SMC2: variants seen among roughly 807,000 people sequenced by gnomAD.
The protein encoded by SMC2 is structural maintenance of chromosomes 2.
A neutral mutation model predicts 142.6 loss-of-function variants in SMC2; 41 were observed. The observed-to-expected ratio is 0.29, with a 90% confidence interval of 0.22 to 0.37. The LOEUF is 0.37. Among genes scored for constraint, SMC2 ranks in the 10% least tolerant of loss-of-function variants. The pLI is 1.00. For missense variants in SMC2, 1,265 were observed against 1,373.7 expected, an observed-to-expected ratio of 0.92 and a Z score of 1.25; for synonymous variants, 463 against 457.5, an observed-to-expected ratio of 1.01 and a Z score of -0.15.
intron 18 of SMC2, 60 bp from the exon 19 acceptor site, chr9:104,126,581 A>T: frequency 7.9e-7 from 1 of 1,258,072 alleles, no homozygotes; most frequent in East Asian, 2.4e-5. Flanking sequence ...TGTTCTGTAC[A>T]TATTTGTTTT....
chr9:104,126,382 A>G (rs1053513929), intron 18 of SMC2, among the ~76,000 whole-genome samples: 10 of 152,164 alleles, frequency 6.6e-5, no homozygotes, highest in African/African-American at 2.4e-4. Flanking sequence ...TATTTTCCCT[A>G]TAGGAATAAA....
intron 18 of SMC2, among the ~76,000 whole-genome samples, chr9:104,125,668 A>G (rs941634103): frequency 3.3e-5 from 5 of 152,154 alleles, no homozygotes; most frequent in Non-Finnish European, 5.9e-5. Context: ...TTTATTTGAT[A>G]AGCACCTAAA....
At position 104,095,397 on chromosome 9, in the gene SMC2, T is replaced by G; in HGVS notation, c.13T>G (p.Ser5Ala). MHIK[S>A]IILEGFKSYA... is the part of the protein sequence containing the mutation. Reference sequence around the variant, plus strand: ...GACAGTATCGAAAATGCATATTAAGTCAATTATTCTAGAGGGATTCAAGTC... The same window carrying G: ...GACAGTATCGAAAATGCATATTAAGGCAATTATTCTAGAGGGATTCAAGTC... The change falls in exon 2 of 25, where the codon TCA (serine) becomes GCA (alanine). Residue 5 changes from serine to alanine, a missense_variant. Coordinates refer to ENST00000374793, the MANE Select transcript of SMC2 (RefSeq NM_006444.3). 1 of 1,612,844 alleles carries G rather than the reference T, an allele frequency of 6.2e-7. No individual in the cohort carries two copies. The highest frequency in any genetic ancestry group is 8.5e-7 in the Non-Finnish European group (1 of 1,179,908).
At chr9:104,134,642 AAACTGTATTTGTGTTTT>A (rs1454395453) in intron 23 of SMC2, 67 bp downstream of exon 23, 13 of 1,130,296 alleles carry the variant, frequency 1.2e-5, no homozygotes, top group Middle Eastern at 2.3e-4. Context: ...CCTTACCTTA[AAACTGTATTTGTGTTTT>A]AACTACCTTT....
intron 9 of SMC2, among the ~76,000 whole-genome samples, chr9:104,105,344 C>T (rs950591872): frequency 6.6e-6 from 1 of 152,034 alleles, no homozygotes; most frequent in Non-Finnish European, 1.5e-5. Flanking sequence ...GCTTTCCAGG[C>T]CTGACATTGC....
intron 21 of SMC2, among the ~76,000 whole-genome samples, chr9:104,130,836 A>G (rs1834884211): frequency 6.6e-6 from 1 of 152,190 alleles, no homozygotes; most frequent in South Asian, 2.1e-4. Flanking sequence ...CCTGAGTCTA[A>G]TATTTTTTTC....
rs1835331697 is a variant in SMC2, at chr9:104,134,584, T to A, written c.3269+9T>A. The stretch of plus-strand genomic sequence containing the variant: ...CTTAGTGGTGGTCAGAGGTGAGGAA[T>A]CACTTTGCTATATTATAATTTTCAT... On this transcript the variant is annotated intron_variant, in intron 23 of 24. Transcript: ENST00000374793. 1 of 1,553,514 alleles carries A rather than the reference T, an allele frequency of 6.4e-7. No individual in the cohort carries two copies. The highest frequency in any genetic ancestry group is 1.6e-5 in the African/African-American group (1 of 63,114).
chr9:104,094,028 G>A (rs1174331158), upstream of SMC2, among the ~76,000 whole-genome samples: 2 of 152,178 alleles, frequency 1.3e-5, no homozygotes, highest in Non-Finnish European at 2.9e-5. Context: ...AGGGACCGAG[G>A]CGGGGCGGGG....
intron 9 of SMC2, among the ~76,000 whole-genome samples, chr9:104,103,508 G>A (rs1336532119): frequency 6.6e-6 from 1 of 152,188 alleles, no homozygotes; most frequent in Non-Finnish European, 1.5e-5. Context: ...AGAGAGATGG[G>A]AGAGTTGTTA....
At chr9:104,109,326 A>G (rs77068604) in intron 9 of SMC2, among the ~76,000 whole-genome samples, 8,620 of 152,192 alleles carry the variant, frequency 0.057, 654 homozygotes, top group African/African-American at 0.18. Context: ...CTGGATTCTC[A>G]CCATTCTTTA....
chr9:104,122,865 T>C (rs73507084), intron 16 of SMC2, among the ~76,000 whole-genome samples: 412 of 152,302 alleles, frequency 2.7e-3, no homozygotes, highest in African/African-American at 9.1e-3. Context: ...ATATTTCTAA[T>C]GTAAATAGTT....
At chr9:104,124,379 G>A (rs1424177408) in intron 17 of SMC2, among the ~76,000 whole-genome samples, 4 of 152,168 alleles carry the variant, frequency 2.6e-5, no homozygotes, top group Admixed American at 6.5e-5. Flanking sequence ...GAACTACCAC[G>A]CCTGACCTTA....
chr9:104,131,901 TG>T, intron 21 of SMC2, 107 bp from the exon 22 acceptor site: 1 of 622,874 alleles, frequency 1.6e-6, no homozygotes, highest in South Asian at 2.0e-5. Flanking sequence ...TAAATAGCAA[TG>T]TATGTATTGT....
chr9:104,135,732 C>T, intron 23 of SMC2: 1 of 428,380 alleles, frequency 2.3e-6, no homozygotes. Context: ...ATAAAAATGA[C>T]TTTAGACTTC....
chr9:104,113,533 A>T, intron 11 of SMC2, 58 bp downstream of exon 11: 1 of 1,390,322 alleles, frequency 7.2e-7, no homozygotes. Context: ...TTTGATAAAA[A>T]GCTAATTTAA....
chr9:104,140,788 A>G lies in SMC2; in HGVS notation c.*1473A>G, dbSNP rs1289815058. The G allele has an allele frequency of 6.6e-6, 1 of 152,540 alleles. No individual in the cohort carries two copies. Among genetic ancestry groups the G allele is most frequent in the Non-Finnish European group, 1.5e-5 (1 of 68,032 alleles). 9.4% of individuals were successfully genotyped at this position (152,540 alleles called of 1,614,324 possible). A position where few individuals can be genotyped will look rare whatever the true frequency, so the allele number is the denominator to read the frequency against. ...AAAACAGTTACCAATTCACACTGTC[A>G]ATATTAAAGTATACCATAGTATACA... On this transcript the variant is annotated 3_prime_UTR_variant, in exon 25 of 25. Transcript: ENST00000374793.
rs1834113361 is a variant in SMC2, at chr9:104,125,074, C to G, written c.2420C>G (p.Ala807Gly). 6.3e-7 allele frequency: 1 copy of G among 1,579,452 alleles called. No homozygotes were observed. The highest frequency in any genetic ancestry group is 8.5e-7 in the Non-Finnish European group (1 of 1,171,136). The part of the protein sequence containing the change: ...KLDCAKTKAD[A>G]SSKKMKEKQQ... ...GATTGTGCCAAAACAAAGGCAGATG[C>G]ATCTAGCAAGAAGATGAAAGAAAAA... The change falls in exon 18 of 25, where the codon GCA (alanine) becomes GGA (glycine). Residue 807 changes from alanine (A) to glycine (G), a missense_variant. Physicochemically the swap from Ala to Gly is moderately conservative, Grantham distance 60. Transcript: ENST00000374793.
intron 10 of SMC2, 80 bp downstream of exon 10, chr9:104,111,894 C>T: frequency 9.9e-7 from 1 of 1,006,640 alleles, no homozygotes; most frequent in Non-Finnish European, 1.4e-6. Context: ...GCAATTGTTA[C>T]ATAATGTTGA....
At chr9:104,127,097 A>C (rs1366765047) in intron 19 of SMC2, among the ~76,000 whole-genome samples, 189 bp from the exon 20 acceptor site, 1 of 152,168 alleles carries the variant, frequency 6.6e-6, no homozygotes, top group Non-Finnish European at 1.5e-5. Context: ...GGATGATCCA[A>C]GTTTTCTTCT....
Sources: allele counts gnomAD v4.1 joint callset (sites outside exome capture counted in the v4.1 genomes callset), GRCh38; gene constraint gnomAD v4.1.1; transcripts MANE v1.5; gene names NCBI Gene and HGNC (gene_info 2026-07-23, HGNC 2026-07-21).